ASB3: variants seen among roughly 807,000 people sequenced by gnomAD.
ASB3 encodes ankyrin repeat and SOCS box containing 3, also known as ankyrin repeat and SOCS box protein 3.
A neutral mutation model predicts 54.5 loss-of-function variants in ASB3; 41 were observed. The observed-to-expected ratio is 0.75, with a 90% CI of 0.59 to 0.98. The LOEUF (loss-of-function observed/expected upper bound fraction) is 0.98, where lower values mean the gene tolerates loss of function less well. ASB3 is among the 50% of genes least tolerant of loss of function. The probability of loss-of-function intolerance (pLI) is 0.00; values close to 1 mark genes in which losing one functional copy is unlikely to be tolerated. For synonymous variants in ASB3, 266 were observed against 221.2 expected (o/e 1.20, Z -1.80); for missense variants, 733 against 620.0 (o/e 1.18, Z -1.94).
At chr2:53,773,472 C>A (rs1674088854) in intron 1 of ASB3, among the ~76,000 whole-genome samples, 1 of 151,988 alleles carries the variant, frequency 6.6e-6, no homozygotes, top group African/African-American at 2.4e-5. Flanking sequence ...ACTCTATAAC[C>A]CAGGCTTGAG....
chr2:53,785,355 C>G (rs1674891803), intron 1 of ASB3, among the ~76,000 whole-genome samples: 2 of 151,944 alleles, frequency 1.3e-5, no homozygotes, highest in African/African-American at 2.4e-5. Context: ...ACCTCACAGA[C>G]AGTTTTCATT....
At chr2:53,726,941 C>T (rs574100701) in intron 5 of ASB3, among the ~76,000 whole-genome samples, 20 of 152,110 alleles carry the variant, frequency 1.3e-4, no homozygotes, top group African/African-American at 4.8e-4. Context: ...CCTCCCAAAG[C>T]GCTGGGATTA....
intron 3 of ASB3, among the ~76,000 whole-genome samples, chr2:53,744,255 G>T (rs1672099743): frequency 6.6e-6 from 1 of 151,104 alleles, no homozygotes; most frequent in South Asian, 2.1e-4. Context: ...GTGGTCACAG[G>T]CGCCTGTAAT....
intron 9 of ASB3, among the ~76,000 whole-genome samples, chr2:53,683,042 T>G (rs1428801312): frequency 3.9e-5 from 6 of 152,198 alleles, no homozygotes; most frequent in Non-Finnish European, 7.3e-5. Flanking sequence ...GTGGGCATCT[T>G]TGTCATGTTC....
At chr2:53,684,168 A>C (rs933791127) in intron 9 of ASB3, among the ~76,000 whole-genome samples, 1 of 152,182 alleles carries the variant, frequency 6.6e-6, no homozygotes, top group Non-Finnish European at 1.5e-5. Flanking sequence ...GGAATTAATA[A>C]CTAGATTCGT....
chr2:53,737,502 G>A (rs12992650), intron 3 of ASB3, among the ~76,000 whole-genome samples: 118 of 152,156 alleles, frequency 7.8e-4, no homozygotes, highest in Admixed American at 2.6e-3. Flanking sequence ...TACAAGGTAA[G>A]GCAAATAAAA....
At chr2:53,758,482 T>C (rs1672960359) in intron 2 of ASB3, among the ~76,000 whole-genome samples, 1 of 152,218 alleles carries the variant, frequency 6.6e-6, no homozygotes, top group East Asian at 1.9e-4. Flanking sequence ...CTGTTGTTTA[T>C]GGGAACGCAT....
intron 9 of ASB3, among the ~76,000 whole-genome samples, chr2:53,673,003 T>C (rs1240202753): frequency 3.3e-5 from 5 of 152,184 alleles, no homozygotes; most frequent in Non-Finnish European, 7.3e-5. Flanking sequence ...TAATAAAAAG[T>C]TTCAGAAATA....
chr2:53,779,860 T>G (rs1249771353), intron 1 of ASB3, among the ~76,000 whole-genome samples: 1 of 152,226 alleles, frequency 6.6e-6, no homozygotes, highest in Non-Finnish European at 1.5e-5. Flanking sequence ...CATTAATCCT[T>G]TAACACAAAA....
At chr2:53,718,804 G>A (rs1466277314) in intron 5 of ASB3, among the ~76,000 whole-genome samples, 1 of 151,776 alleles carries the variant, frequency 6.6e-6, no homozygotes, top group African/African-American at 2.4e-5. Context: ...TCCATCTGCT[G>A]CCTTCAAGAG....
chr2:53,754,281 C>T lies in ASB3; in HGVS notation c.197-3340G>A, dbSNP rs190271158. ...TAACGGGAGAGAAGAGATAAATCTC[C>T]CATGTAGAAGAATTCCAAATAATTT... On this transcript the variant is annotated intron_variant, in intron 2 of 9. Transcript: ENST00000263634. Among the ~76,000 whole-genome samples, 426 of 152,110 alleles carry T rather than the reference C, an allele frequency of 2.8e-3. 3 individuals are homozygous for T. The highest frequency in any genetic ancestry group is 2.7e-3 in the Non-Finnish European group (185 of 67,990).
At chr2:53,741,240 G>A (rs528146408) in intron 3 of ASB3, among the ~76,000 whole-genome samples, 1 of 152,282 alleles carries the variant, frequency 6.6e-6, no homozygotes, top group South Asian at 2.1e-4. Flanking sequence ...GTTGGCCAAT[G>A]GCATTAGTAA....
chr2:53,716,781 A>C (rs372141675), intron 5 of ASB3, 38 bp from the exon 6 acceptor site: 2 of 1,536,002 alleles, frequency 1.3e-6, no homozygotes, highest in African/African-American at 2.8e-5. Context: ...AGATAACCCT[A>C]ATACTTAAAA....
intron 3 of ASB3, among the ~76,000 whole-genome samples, chr2:53,745,304 A>G (rs982165861): frequency 6.6e-6 from 1 of 152,178 alleles, no homozygotes; most frequent in African/African-American, 2.4e-5. Flanking sequence ...TAAAAAATAA[A>G]CTCTAACCTG....
chr2:53,700,581 G>A (rs1318754421), intron 7 of ASB3, 53 bp from the exon 8 acceptor site: 1 of 1,549,994 alleles, frequency 6.5e-7, no homozygotes, highest in Non-Finnish European at 8.6e-7. Flanking sequence ...TTTGACATAA[G>A]ATACTTCTTA....
Position 53,761,278 on chromosome 2 carries a change from T to C in ASB3, c.196+4099A>G, listed in dbSNP as rs142525691. Among the ~76,000 whole-genome samples the C allele has an allele frequency of 7.9e-5, 12 of 152,196 alleles. 1 individual carries two copies. The highest frequency in any genetic ancestry group is 2.4e-4 in the African/African-American group (10 of 41,514). Reference sequence around the variant, plus strand: ...TAGGCTACAGCATGAGGTAAAGAAATAGTCAAATCATATATCGCCTGAGAG... The same window carrying C: ...TAGGCTACAGCATGAGGTAAAGAAACAGTCAAATCATATATCGCCTGAGAG... On this transcript the variant is annotated intron_variant, in intron 2 of 9. Coordinates refer to ENST00000263634, the MANE Select transcript of ASB3 (RefSeq NM_016115.5).
At chr2:53,783,539 C>T (rs1320759262) in intron 1 of ASB3, among the ~76,000 whole-genome samples, 1 of 151,764 alleles carries the variant, frequency 6.6e-6, no homozygotes, top group African/African-American at 2.4e-5. Flanking sequence ...AAAAGATTCA[C>T]CACCTAGAAA....
At chr2:53,723,103 A>C (rs146990818) in intron 5 of ASB3, among the ~76,000 whole-genome samples, 1 of 152,290 alleles carries the variant, frequency 6.6e-6, no homozygotes, top group Non-Finnish European at 1.5e-5. Flanking sequence ...CCACCAAAAA[A>C]AAATTTTAAA....
At chr2:53,673,073 G>C (rs1307843444) in intron 9 of ASB3, among the ~76,000 whole-genome samples, 1 of 151,990 alleles carries the variant, frequency 6.6e-6, no homozygotes. Context: ...GCATTCTAGA[G>C]TGTAGCTGGC....
Sources: allele counts gnomAD v4.1 joint callset (sites outside exome capture counted in the v4.1 genomes callset), GRCh38; gene constraint gnomAD v4.1.1; transcripts MANE v1.5; gene names NCBI Gene and HGNC (gene_info 2026-07-23, HGNC 2026-07-21).